The following EPC2 variants were observed in gnomAD, a reference collection of about 807,000 sequenced individuals.
The protein encoded by EPC2 is enhancer of polycomb 2.
In EPC2, 14 loss-of-function variants were observed where a neutral mutation model predicts 92.1. The observed-to-expected ratio is 0.15, with a 90% CI of 0.10 to 0.24. The LOEUF is 0.24. Ranked by LOEUF, EPC2 falls within the 10% of genes least tolerant of loss-of-function variation. EPC2 has a pLI of 1.00. For synonymous variants in EPC2, 340 were observed against 334.7 expected (o/e 1.02, Z -0.17); for missense variants, 755 against 971.5 (o/e 0.78, Z 2.96).
At chr2:148,648,744 C>T (rs757635946) in intron 1 of EPC2, among the ~76,000 whole-genome samples, 24 of 152,052 alleles carry the variant, frequency 1.6e-4, no homozygotes, top group Admixed American at 3.3e-4. Context: ...TATTCAAGTT[C>T]GAGTTACATT....
chr2:148,757,077 T>A (rs193049628), intron 4 of EPC2, among the ~76,000 whole-genome samples: 1 of 152,322 alleles, frequency 6.6e-6, no homozygotes, highest in East Asian at 1.9e-4. Context: ...TTGTGGTTTT[T>A]AATATTGATA....
intron 2 of EPC2, among the ~76,000 whole-genome samples, chr2:148,735,086 T>G (rs767990901): frequency 3.3e-5 from 5 of 152,082 alleles, no homozygotes; most frequent in Non-Finnish European, 7.4e-5. Flanking sequence ...TGTTTTTGCT[T>G]ATATGAATAT....
intron 1 of EPC2, among the ~76,000 whole-genome samples, chr2:148,663,487 G>T (rs1370070981): frequency 6.6e-6 from 1 of 151,186 alleles, no homozygotes; most frequent in Admixed American, 6.6e-5. Flanking sequence ...CAAAGTGCTG[G>T]GATTACAGGC....
intron 1 of EPC2, among the ~76,000 whole-genome samples, chr2:148,670,456 A>G (rs997055244): frequency 6.6e-6 from 1 of 151,948 alleles, no homozygotes; most frequent in African/African-American, 2.4e-5. Context: ...AACCATTACC[A>G]CTATTTTGTT....
Position 148,783,723 on chromosome 2 carries a change from C to T in EPC2, c.1984C>T (p.His662Tyr). The T allele has an allele frequency of 6.3e-7, 1 of 1,592,574 alleles. No homozygotes were observed. The highest frequency in any genetic ancestry group is 1.7e-4 in the Middle Eastern group (1 of 5,950). Residue 662 changes from histidine (H) to tyrosine (Y), a missense_variant, in exon 12 of 14, where the codon CAC becomes TAC. By Grantham distance (83) the His-to-Tyr change is moderately conservative. This residue lies in a region of EPC2 where 207 missense variants were observed against 260.5 expected (regional missense o/e 0.79). Coordinates refer to ENST00000258484, the MANE Select transcript of EPC2 (RefSeq NM_015630.4). ...GGTAGCCAAGGAACAGAACACTGGC[C>T]ACAACAACATAAACGGTGTTGTCCA... ...SEVAKEQNTG[H>Y]NNINGVVQPS...
At chr2:148,774,813 C>T (rs1034484936) in intron 10 of EPC2, among the ~76,000 whole-genome samples, 4 of 151,416 alleles carry the variant, frequency 2.6e-5, no homozygotes, top group Middle Eastern at 3.2e-3. Context: ...CAGGGCCAGG[C>T]GCGGTGGCTC....
chr2:148,668,866 A>G (rs1261254764), intron 1 of EPC2, among the ~76,000 whole-genome samples: 1 of 150,360 alleles, frequency 6.7e-6, no homozygotes, highest in African/African-American at 2.5e-5. Context: ...TTCTCTGTGG[A>G]TTTTCTGTTT....
chr2:148,691,585 G>C (rs1183808179), intron 2 of EPC2: 2 of 1,550,512 alleles, frequency 1.3e-6, no homozygotes, highest in Middle Eastern at 1.7e-4. Flanking sequence ...TTGAAGTCTT[G>C]TTCTTCTAAA....
chr2:148,763,941 A>G (rs1310899321), intron 6 of EPC2, among the ~76,000 whole-genome samples: 3 of 152,200 alleles, frequency 2.0e-5, no homozygotes, highest in Non-Finnish European at 4.4e-5. Flanking sequence ...ATAAATACTC[A>G]GCCTTCCTAA....
At chr2:148,746,009 T>A (rs1333532848) in intron 3 of EPC2, among the ~76,000 whole-genome samples, 2 of 152,024 alleles carry the variant, frequency 1.3e-5, no homozygotes, top group Admixed American at 1.3e-4. Flanking sequence ...CTTCACCTTT[T>A]TTTAAAAAAT....
chr2:148,786,409 G>A lies in EPC2; in HGVS notation c.*32G>A. ...ACACGTGGCTCTGACCTGTGCTGAT[G>A]GTGTGCAGTCATTCATATTCCAGCT... On this transcript the variant is annotated 3_prime_UTR_variant, in exon 14 of 14. Coordinates refer to ENST00000258484, the MANE Select transcript of EPC2 (RefSeq NM_015630.4). 6.4e-7 allele frequency: 1 copy of A among 1,554,382 alleles called. No individual in the cohort carries two copies. Among genetic ancestry groups the A allele is most frequent in the Non-Finnish European group, 8.8e-7 (1 of 1,135,794 alleles).
intron 2 of EPC2, among the ~76,000 whole-genome samples, chr2:148,734,329 A>G (rs1447399466): frequency 2.0e-5 from 3 of 152,124 alleles, no homozygotes; most frequent in Non-Finnish European, 1.5e-5. Flanking sequence ...CAGCTCATAC[A>G]TGGGAAGTGT....
chr2:148,687,915 T>C (rs1226340804), intron 1 of EPC2, among the ~76,000 whole-genome samples: 1 of 152,226 alleles, frequency 6.6e-6, no homozygotes, highest in Non-Finnish European at 1.5e-5. Flanking sequence ...ACCTTCCTTT[T>C]AAAGTACTAG....
chr2:148,678,491 A>G (rs1274159775), intron 1 of EPC2, among the ~76,000 whole-genome samples: 1 of 152,230 alleles, frequency 6.6e-6, no homozygotes, highest in Admixed American at 6.5e-5. Context: ...GCAGGAGCCC[A>G]TGGAGGGAGT....
intron 1 of EPC2, among the ~76,000 whole-genome samples, chr2:148,669,880 T>C (rs1681121591): frequency 6.6e-6 from 1 of 152,148 alleles, no homozygotes; most frequent in Admixed American, 6.5e-5. Context: ...TTTTCAGTCT[T>C]GTTAGGAACA....
intron 2 of EPC2, among the ~76,000 whole-genome samples, chr2:148,741,928 C>T (rs1271360297): frequency 6.6e-6 from 1 of 152,132 alleles, no homozygotes; most frequent in East Asian, 1.9e-4. Context: ...CATTTACAAA[C>T]ACATGCATAT....
Position 148,654,255 on chromosome 2 carries a change from A to C in EPC2, c.153+9085A>C, listed in dbSNP as rs1432983441. On this transcript the variant is annotated intron_variant, in intron 1 of 13. Coordinates refer to ENST00000258484, the MANE Select transcript of EPC2 (RefSeq NM_015630.4). ...AGCCACCATGCCCGGCCAAGATTAC[A>C]TTTTTTTGTAAAAACTTAAGTCTGT... Among the ~76,000 whole-genome samples, 3 of 152,024 alleles carry C rather than the reference A, an allele frequency of 2.0e-5. No homozygotes were observed. In the East Asian group the frequency reaches 5.8e-4, roughly 29 times the overall value.
intron 2 of EPC2, among the ~76,000 whole-genome samples, chr2:148,735,015 T>C (rs1340632269): frequency 6.6e-6 from 1 of 152,068 alleles, no homozygotes; most frequent in African/African-American, 2.4e-5. Flanking sequence ...TAAACATAGT[T>C]TCCGTTTCAT....
At chr2:148,775,574 T>C (rs1055722747) in intron 10 of EPC2, among the ~76,000 whole-genome samples, 4 of 142,516 alleles carry the variant, frequency 2.8e-5, no homozygotes, top group Admixed American at 7.1e-5. Context: ...CAGCAGCCTT[T>C]CTGACCAGCT....
Sources: gnomAD v4.1 joint callset for allele counts (sites outside exome capture counted in the v4.1 genomes callset) on GRCh38, gnomAD v4.1.1 for gene constraint, gnomAD v4.1.1 regional missense constraint, MANE v1.5 for transcripts, NCBI Gene and HGNC (gene_info 2026-07-23, HGNC 2026-07-21) for gene names.